The following BOLL variants were observed in gnomAD, a reference collection of about 807,000 sequenced individuals.
The protein encoded by BOLL is boule RNA binding protein.
BOLL carries 23 observed loss-of-function variants against 44.4 expected under a neutral mutation model. The observed-to-expected ratio is 0.52, with a 90% CI of 0.37 to 0.73. The LOEUF (loss-of-function observed/expected upper bound fraction) is 0.73, where lower values mean the gene tolerates loss of function less well. Ranked by LOEUF, BOLL falls within the 30% of genes least tolerant of loss-of-function variation. The pLI, the probability that BOLL is intolerant of heterozygous loss-of-function variation, is 0.00. For missense variants in BOLL, 287 were observed against 338.3 expected, an observed-to-expected ratio of 0.85 and a Z score of 1.19; for synonymous variants, 97 against 110.8, an observed-to-expected ratio of 0.88 and a Z score of 0.78.
intron 9 of BOLL, chr2:197,755,839 C>T (rs1022248939): frequency 1.2e-4 from 19 of 152,198 alleles, no homozygotes; most frequent in African/African-American, 4.3e-4. Flanking sequence ...CAACATGGCA[C>T]AGGTTTACCT....
chr2:197,761,671 A>T (rs867205337), intron 7 of BOLL, among the ~76,000 whole-genome samples: 2 of 152,146 alleles, frequency 1.3e-5, no homozygotes, highest in East Asian at 1.9e-4. Flanking sequence ...TGAATATATT[A>T]AAAAAAGAGA....
At chr2:197,750,054 A>G (rs970967893) in intron 9 of BOLL, among the ~76,000 whole-genome samples, 1 of 152,212 alleles carries the variant, frequency 6.6e-6, no homozygotes, top group East Asian at 1.9e-4. Flanking sequence ...ACTAAGCTTT[A>G]TAAGTGAAGG....
upstream of BOLL, chr2:197,785,854 C>T (rs1690050232): frequency 2.4e-6 from 2 of 832,302 alleles, no homozygotes; most frequent in African/African-American, 3.4e-5. The surrounding 1 kb of genome is among the most constrained non-coding windows in gnomAD (Gnocchi z 6.7). Flanking sequence ...CACCTGGCCA[C>T]GTTTCTTCCC....
In BOLL at chr2:197,771,944, T is replaced by TTAGGG; in HGVS notation, c.390_391insCCCTA (p.Thr131ProfsTer2). Reference sequence around the variant, plus strand: ...GTATAAGGATATCCAGTTGAAGTTGTTAGATACATTGTTCCAGCTGCTGGC... The same window carrying TTAGGG: ...GTATAAGGATATCCAGTTGAAGTTGTTAGGGTAGATACATTGTTCCAGCTGCTGGC... On this transcript the variant is annotated frameshift_variant, in exon 6 of 11. Coordinates refer to ENST00000392296, the MANE Select transcript of BOLL (RefSeq NM_033030.6). LOFTEE classifies it high-confidence loss of function. The TTAGGG allele has an allele frequency of 1.3e-6, 2 of 1,594,482 alleles. No homozygotes were observed. The highest frequency in any genetic ancestry group is 1.7e-6 in the Non-Finnish European group (2 of 1,166,148).
At chr2:197,776,367 AC>A (rs1689513432) in intron 4 of BOLL, among the ~76,000 whole-genome samples, 1 of 151,922 alleles carries the variant, frequency 6.6e-6, no homozygotes, top group Non-Finnish European at 1.5e-5. Flanking sequence ...ATGTTAATGA[AC>A]CAGTAATCTG....
intron 10 of BOLL, among the ~76,000 whole-genome samples, chr2:197,732,431 A>C (rs1356965070): frequency 6.6e-6 from 1 of 152,210 alleles, no homozygotes; most frequent in African/African-American, 2.4e-5. Flanking sequence ...ATCAATAGAA[A>C]AAGAGGGAAT....
intron 6 of BOLL, among the ~76,000 whole-genome samples, chr2:197,768,187 C>T (rs550374318): frequency 2.6e-5 from 4 of 151,980 alleles, no homozygotes; most frequent in South Asian, 4.1e-4. Flanking sequence ...AAATGTGTCA[C>T]GCTTTTTTAT....
intron 4 of BOLL, 22 bp downstream of exon 4, chr2:197,777,037 T>TA (rs1461936516): frequency 6.5e-7 from 1 of 1,533,626 alleles, no homozygotes; most frequent in South Asian, 1.2e-5. Flanking sequence ...GAAATGAAGT[T>TA]AAATACACCA....
At position 197,768,567 on chromosome 2, in the gene BOLL, G is replaced by A. The variant is rs557589598; in HGVS notation, c.481-1964C>T. Among the ~76,000 whole-genome samples, 3 of 151,746 alleles carry A rather than the reference G, an allele frequency of 2.0e-5. No individual in the cohort carries two copies. The South Asian group carries it at 6.2e-4, about 32-fold the overall frequency. On this transcript the variant is annotated intron_variant, in intron 6 of 10. Coordinates refer to ENST00000392296, the MANE Select transcript of BOLL (RefSeq NM_033030.6). Reference sequence around the variant, plus strand: ...CACACACATGGAAACTTAGTGTTTGGCAGAGGATTAATTTCAAAATAGCAG... The same window carrying A: ...CACACACATGGAAACTTAGTGTTTGACAGAGGATTAATTTCAAAATAGCAG...
intron 1 of BOLL, among the ~76,000 whole-genome samples, chr2:197,783,899 A>C (rs1277747925): frequency 1.3e-5 from 2 of 152,208 alleles, no homozygotes; most frequent in African/African-American, 4.8e-5. Context: ...ATTCTTCATG[A>C]AATTCTCTTA....
chr2:197,783,049 A>G (rs993460278), intron 1 of BOLL, among the ~76,000 whole-genome samples: 2 of 152,180 alleles, frequency 1.3e-5, no homozygotes, highest in African/African-American at 2.4e-5. Flanking sequence ...AGAGAAACCA[A>G]TTCAAGAACT....
intron 9 of BOLL, among the ~76,000 whole-genome samples, chr2:197,751,924 C>T (rs1688278130): frequency 6.6e-6 from 1 of 152,030 alleles, no homozygotes; most frequent in East Asian, 1.9e-4. Flanking sequence ...AAACCAAATC[C>T]AGCAGCACAT....
chr2:197,743,153 A>C lies in BOLL; in HGVS notation c.736T>G (p.Ser246Ala). Residue 246 changes from serine to alanine, a missense_variant, in exon 10 of 11, where the codon TCT becomes GCT. Physicochemically the swap from Ser to Ala is moderately conservative, Grantham distance 99 (BLOSUM62 1). Transcript: ENST00000392296. ...TATGTTGCTTGAACTCCATGATCAG[A>C]ATAAGGCTATTACAAAAAAAGAGAG... The part of the protein sequence containing the change: ...LMETSVPEPY[S>A]DHGVQATYHQ... 1 of 1,586,876 alleles carries C rather than the reference A, an allele frequency of 6.3e-7. No individual in the cohort carries two copies. The highest frequency in any genetic ancestry group is 1.2e-5 in the South Asian group (1 of 86,100).
chr2:197,736,310 C>A (rs1488532840), intron 10 of BOLL, among the ~76,000 whole-genome samples: 1 of 151,840 alleles, frequency 6.6e-6, no homozygotes, highest in Non-Finnish European at 1.5e-5. Flanking sequence ...GAATCAAGGT[C>A]ATGAAAGACA....
chr2:197,735,939 A>T (rs1321490364), intron 10 of BOLL, among the ~76,000 whole-genome samples: 1 of 152,062 alleles, frequency 6.6e-6, no homozygotes, highest in African/African-American at 2.4e-5. Flanking sequence ...GAGGCACTAA[A>T]ATCCTAATGG....
chr2:197,736,498 T>G (rs1310205130), intron 10 of BOLL, among the ~76,000 whole-genome samples: 1 of 152,136 alleles, frequency 6.6e-6, no homozygotes, highest in Non-Finnish European at 1.5e-5. Context: ...AATGCTAATT[T>G]CTTCGTTTTG....
intron 7 of BOLL, among the ~76,000 whole-genome samples, chr2:197,760,286 C>A (rs990226613): frequency 6.6e-6 from 1 of 151,996 alleles, no homozygotes; most frequent in Non-Finnish European, 1.5e-5. Flanking sequence ...CAGTTGTGCA[C>A]CTGCATCCTG....
chr2:197,771,352 TG>T (rs1303343504), intron 6 of BOLL, among the ~76,000 whole-genome samples: 2 of 67,974 alleles, frequency 2.9e-5, no homozygotes, highest in South Asian at 5.8e-4. Flanking sequence ...TGTTGTGGGG[TG>T]GGGGGAGGGG....
intron 7 of BOLL, among the ~76,000 whole-genome samples, chr2:197,764,978 T>C (rs541165670): frequency 6.6e-6 from 1 of 151,558 alleles, no homozygotes; most frequent in South Asian, 2.1e-4. Flanking sequence ...AAAAAGTTGA[T>C]CTCATAGAAG....
Sources: allele counts gnomAD v4.1 joint callset (sites outside exome capture counted in the v4.1 genomes callset), GRCh38; gene constraint gnomAD v4.1.1; non-coding constraint Gnocchi (gnomAD v3.1); transcripts MANE v1.5; gene names NCBI Gene and HGNC (gene_info 2026-07-23, HGNC 2026-07-21).